DNMT3A: variants seen among roughly 807,000 people sequenced by gnomAD.
DNMT3A encodes DNA methyltransferase 3 alpha.
Under a neutral mutation model 117.6 loss-of-function variants are expected in DNMT3A, and 267 were observed. That is an observed-to-expected ratio of 2.27 (90% confidence interval 2.05 to 2.51). DNMT3A has a LOEUF of 2.51. DNMT3A is among the 30% of genes most tolerant of loss of function. The pLI is 0.00. For synonymous variants in DNMT3A, 432 were observed against 474.8 expected (o/e 0.91, Z 1.17); for missense variants, 1,029 against 1,260.2 (o/e 0.82, Z 2.78).
intron 6 of DNMT3A, among the ~76,000 whole-genome samples, chr2:25,269,210 T>C (rs2030640957): frequency 6.6e-6 from 1 of 152,098 alleles, no homozygotes; most frequent in Non-Finnish European, 1.5e-5. Flanking sequence ...TAATTCCAGC[T>C]ACTGGGAAGG....
intron 6 of DNMT3A, among the ~76,000 whole-genome samples, chr2:25,267,096 CA>C (rs1223429274): frequency 1.3e-5 from 2 of 152,160 alleles, no homozygotes; most frequent in Non-Finnish European, 2.9e-5. Context: ...CTAGATTGCA[CA>C]GACTTATTGG....
At chr2:25,243,690 T>C (rs952434816) in intron 16 of DNMT3A, among the ~76,000 whole-genome samples, 1 of 152,258 alleles carries the variant, frequency 6.6e-6, no homozygotes, top group African/African-American at 2.4e-5. Flanking sequence ...GCAGGCTGCT[T>C]TACCACCTGT....
intron 6 of DNMT3A, among the ~76,000 whole-genome samples, chr2:25,259,022 C>T (rs943738315): frequency 1.3e-5 from 2 of 152,202 alleles, no homozygotes; most frequent in African/African-American, 4.8e-5. Flanking sequence ...CCTTCTCTCC[C>T]CACCTCTATC....
rs1447870142 is a variant in DNMT3A, at chr2:25,229,901, T to G, written c.*4378A>C. 6.6e-6 allele frequency: 1 copy of G among 152,236 alleles called. No individual in the cohort carries two copies. The allele number at this position is 152,236 out of a possible 1,614,324, so 9.4% of individuals were successfully genotyped here. On this transcript the variant is annotated 3_prime_UTR_variant, in exon 23 of 23. Coordinates refer to ENST00000321117, the MANE Select transcript of DNMT3A (RefSeq NM_022552.5). ...CTGCTGGAGAAGGTGGGTGTTCCCA[T>G]CTAGGCTTCCCCAGAGTCGCCATGG...
chr2:25,274,689 G>A (rs921430894), intron 6 of DNMT3A, among the ~76,000 whole-genome samples: 1 of 152,214 alleles, frequency 6.6e-6, no homozygotes, highest in Non-Finnish European at 1.5e-5. Flanking sequence ...TGTTCTGCCT[G>A]TCTCCCCCAT....
At position 25,231,066 on chromosome 2, in the gene DNMT3A, T is replaced by G. The variant is rs1007791381; in HGVS notation, c.*3213A>C. ...GCTTGGGCCGCTGGGAAAGGCTAAC[T>G]GTCACTAAGCAGTGGCTTGGGAGAG... On this transcript the variant is annotated 3_prime_UTR_variant, in exon 23 of 23. Transcript: ENST00000321117. 2.6e-5 allele frequency: 4 copies of G among 152,342 alleles called. No individual in the cohort carries two copies. The highest frequency in any genetic ancestry group is 4.4e-5 in the Non-Finnish European group (3 of 68,138). The allele number at this position is 152,342 out of a possible 1,614,324, so 9.4% of individuals were successfully genotyped here. A position where few individuals can be genotyped will look rare whatever the true frequency, so the allele number is the denominator to read the frequency against.
intron 6 of DNMT3A, among the ~76,000 whole-genome samples, chr2:25,263,304 C>T (rs1355272802): frequency 6.6e-6 from 1 of 152,098 alleles, no homozygotes; most frequent in Admixed American, 6.5e-5. Flanking sequence ...AAGCTGCTCT[C>T]ATGCTCCTTT....
At chr2:25,288,378 C>T (rs1299253242) in intron 3 of DNMT3A, among the ~76,000 whole-genome samples, 1 of 151,920 alleles carries the variant, frequency 6.6e-6, no homozygotes, top group African/African-American at 2.4e-5. Flanking sequence ...TTGCAGTGAG[C>T]CAAGATCGCT....
In DNMT3A at chr2:25,234,250, G is replaced by T; in HGVS notation, c.*29C>A. On this transcript the variant is annotated 3_prime_UTR_variant, in exon 23 of 23. Coordinates refer to ENST00000321117, the MANE Select transcript of DNMT3A (RefSeq NM_022552.5). The surrounding 1 kb of genome is among the most constrained non-coding windows in gnomAD (Gnocchi z 4.5). ...TTTTTGTTTGTTTGTTTAACTTTGT[G>T]TCGCTACCTCAGTTTGCCCCCATGT... 2.5e-6 allele frequency: 4 copies of T among 1,586,756 alleles called. No homozygotes were observed. In the South Asian group the frequency reaches 4.6e-5, roughly 18 times the overall value.
chr2:25,297,700 A>T (rs2033175793), intron 3 of DNMT3A, among the ~76,000 whole-genome samples: 1 of 152,008 alleles, frequency 6.6e-6, no homozygotes, highest in Non-Finnish European at 1.5e-5. Context: ...TGTAGAGACA[A>T]GGTTTCACCA....
intron 3 of DNMT3A, among the ~76,000 whole-genome samples, chr2:25,297,123 C>T (rs959851128): frequency 3.3e-5 from 5 of 152,184 alleles, no homozygotes; most frequent in Admixed American, 2.6e-4. Context: ...CCTGCGACCA[C>T]AAGGGCTGAG....
intron 20 of DNMT3A, among the ~76,000 whole-genome samples, chr2:25,238,714 C>G (rs1175604778): frequency 6.6e-6 from 1 of 152,272 alleles, no homozygotes; most frequent in Non-Finnish European, 1.5e-5. Flanking sequence ...TTGCATGCAG[C>G]CGCTGCAAGA....
chr2:25,328,594 A>G, intron 1 of DNMT3A: 1 of 465,580 alleles, frequency 2.1e-6, no homozygotes, highest in Non-Finnish European at 4.4e-6. Flanking sequence ...CCCCCCGCCC[A>G]CAGCTTGTCC....
rs1372927015 is a variant in DNMT3A at position 25,296,632 on chromosome 2, A to G, written c.177+3507T>C. Reference sequence around the variant, plus strand: ...GGCTTCCCGCACATGGTCAGTGCTCAGGAAGTGGAAAGTGTTTGTCGTGAA... The same window carrying G: ...GGCTTCCCGCACATGGTCAGTGCTCGGGAAGTGGAAAGTGTTTGTCGTGAA... On this transcript the variant is annotated intron_variant, in intron 3 of 22. Transcript: ENST00000321117. The surrounding 1 kb of genome is among the most constrained non-coding windows in gnomAD (Gnocchi z 4.2). Among the ~76,000 whole-genome samples, 1 of 152,234 alleles carries G rather than the reference A, an allele frequency of 6.6e-6. No individual in the cohort carries two copies. The highest frequency in any genetic ancestry group is 1.9e-4 in the East Asian group (1 of 5,200).
intron 1 of DNMT3A, among the ~76,000 whole-genome samples, chr2:25,318,021 C>T (rs1282488325): frequency 6.6e-6 from 1 of 152,154 alleles, no homozygotes; most frequent in Non-Finnish European, 1.5e-5. Flanking sequence ...AGGCATGAGC[C>T]ACCGCGCCGG....
At chr2:25,335,491 A>G (rs2035181598) in intron 1 of DNMT3A, among the ~76,000 whole-genome samples, 1 of 152,010 alleles carries the variant, frequency 6.6e-6, no homozygotes, top group African/African-American at 2.4e-5. Flanking sequence ...CACAGCCCAC[A>G]CTCAACAGCT....
At chr2:25,318,216 T>A (rs529884926) in intron 1 of DNMT3A, among the ~76,000 whole-genome samples, 13 of 152,302 alleles carry the variant, frequency 8.5e-5, no homozygotes, top group African/African-American at 2.9e-4. Flanking sequence ...CTTATTCAGG[T>A]CAGCCTATGT....
intron 9 of DNMT3A, 51 bp downstream of exon 9, chr2:25,247,000 G>C: frequency 6.3e-7 from 1 of 1,582,304 alleles, no homozygotes; most frequent in East Asian, 2.3e-5. Context: ...CAACTTCCAG[G>C]CCTCCTAGTG....
intron 6 of DNMT3A, among the ~76,000 whole-genome samples, chr2:25,251,609 G>A (rs1394012259): frequency 6.6e-6 from 1 of 152,172 alleles, no homozygotes; most frequent in East Asian, 1.9e-4. Flanking sequence ...CCGCCCCCAA[G>A]CCCATGCGGC....
Sources: allele counts gnomAD v4.1 joint callset (sites outside exome capture counted in the v4.1 genomes callset), GRCh38; gene constraint gnomAD v4.1.1; non-coding constraint Gnocchi (gnomAD v3.1); transcripts MANE v1.5; gene names NCBI Gene and HGNC (gene_info 2026-07-23, HGNC 2026-07-21).